The following KHDC1 variants were observed in gnomAD, a reference collection of about 807,000 sequenced individuals.
KHDC1 encodes the protein KH domain containing 1.
In KHDC1, 21 loss-of-function variants were observed where a neutral mutation model predicts 24.7. The observed-to-expected ratio is 0.85, with a 90% CI of 0.60 to 1.23. The LOEUF (loss-of-function observed/expected upper bound fraction) is 1.23. Among genes scored for constraint, KHDC1 ranks in the 50% most tolerant of loss-of-function variants. The pLI is 0.00. For synonymous variants in KHDC1, 98 were observed against 111.7 expected (o/e 0.88, Z 0.77); for missense variants, 274 against 298.5 (o/e 0.92, Z 0.61).
intron 2 of KHDC1, among the ~76,000 whole-genome samples, chr6:73,255,171 G>C (rs1168312180): frequency 6.8e-6 from 1 of 147,836 alleles, no homozygotes; most frequent in Non-Finnish European, 1.5e-5. Context: ...AAATGACTTA[G>C]CTGAATTTTT....
At chr6:73,246,125 C>A (rs1766660611) in intron 2 of KHDC1, among the ~76,000 whole-genome samples, 1 of 152,154 alleles carries the variant, frequency 6.6e-6, no homozygotes, top group Non-Finnish European at 1.5e-5. Context: ...CTCTTAATTT[C>A]CAAAGTTCTC....
At chr6:73,303,949 T>G (rs1582591835) in intron 1 of KHDC1, among the ~76,000 whole-genome samples, 1 of 151,956 alleles carries the variant, frequency 6.6e-6, no homozygotes. Context: ...GAGGCCAAGG[T>G]GGGTGGATCA....
chr6:73,244,735 C>T (rs896180211), intron 2 of KHDC1, among the ~76,000 whole-genome samples: 2 of 151,170 alleles, frequency 1.3e-5, no homozygotes, highest in African/African-American at 4.9e-5. Flanking sequence ...GATTTTGAGA[C>T]CAGACCAGGC....
rs1767003332 is a variant in KHDC1 at position 73,262,758 on chromosome 6, C to G, written c.207-20228G>C. The G allele has an allele frequency of 1.0e-6, 1 of 985,460 alleles. No homozygotes were observed. The highest frequency in any genetic ancestry group is 1.2e-6 in the Non-Finnish European group (1 of 829,944). The allele number at this position is 985,460 out of a possible 1,614,324, so 61.0% of individuals were successfully genotyped here. Reference sequence around the variant, plus strand: ...GAACTTAGTAAGAAATGTGCAAGATCTAGATGAAGACCCACCAGATAGGAT... The same window carrying G: ...GAACTTAGTAAGAAATGTGCAAGATGTAGATGAAGACCCACCAGATAGGAT... On this transcript the variant is annotated intron_variant, in intron 2 of 4. Transcript: ENST00000370384.
chr6:73,269,106 G>A lies in KHDC1; in HGVS notation c.206+22892C>T, dbSNP rs186058953. ...GGGACCCAGTACACCCTCCGCAGCCGCTGGCCCGGGTGCTAAGCCCCTCAT... is the reference window on the plus strand; with the variant it reads ...GGGACCCAGTACACCCTCCGCAGCCACTGGCCCGGGTGCTAAGCCCCTCAT... On this transcript the variant is annotated intron_variant, in intron 2 of 4. Coordinates refer to ENST00000370384, the Ensembl canonical transcript of KHDC1. The A allele has an allele frequency of 7.7e-4, 119 of 154,386 alleles. 2 individuals are homozygous for A. Among genetic ancestry groups the A allele is most frequent in the African/African-American group, 1.9e-3 (80 of 41,604 alleles). 9.6% of individuals were successfully genotyped at this position (154,386 alleles called of 1,614,324 possible). A position where few individuals can be genotyped will look rare whatever the true frequency, so the allele number is the denominator to read the frequency against.
At chr6:73,298,955 T>A (rs1409988466) in intron 1 of KHDC1, 1 of 149,376 alleles carries the variant, frequency 6.7e-6, no homozygotes, top group Non-Finnish European at 1.5e-5. Context: ...AGAGGAGGAG[T>A]GTGGGATGTC....
At chr6:73,255,983 C>T (rs1245747205) in intron 2 of KHDC1, among the ~76,000 whole-genome samples, 1 of 151,108 alleles carries the variant, frequency 6.6e-6, no homozygotes, top group African/African-American at 2.4e-5. Flanking sequence ...CCATGATTGT[C>T]GAGCCTGAAG....
exon 1 of KHDC1, chr6:73,309,882 C>A: frequency 1.4e-6 from 1 of 709,342 alleles, no homozygotes; most frequent in Non-Finnish European, 2.3e-6. Context: ...CCAGACTGGA[C>A]CAATGCACAG....
intron 2 of KHDC1, chr6:73,274,183 AACATT>A (rs1767235986): frequency 6.6e-6 from 1 of 152,234 alleles, no homozygotes; most frequent in Non-Finnish European, 1.5e-5. Flanking sequence ...ATATTAACAT[AACATT>A]ACATTTTTAA....
chr6:73,257,006 T>A (rs534266241), intron 2 of KHDC1, among the ~76,000 whole-genome samples: 1 of 152,304 alleles, frequency 6.6e-6, no homozygotes, highest in East Asian at 1.9e-4. Flanking sequence ...TTAAAAGGCA[T>A]GGCCAGTGGG....
chr6:73,279,575 A>ATTTTTTT (rs560281126), intron 2 of KHDC1, among the ~76,000 whole-genome samples: 2 of 98,312 alleles, frequency 2.0e-5, no homozygotes, highest in Non-Finnish European at 4.0e-5. Flanking sequence ...GGGACCATGG[A>ATTTTTTT]TTTTTTTTTT....
At chr6:73,281,905 C>T (rs1338468841) in intron 2 of KHDC1, among the ~76,000 whole-genome samples, 1 of 151,872 alleles carries the variant, frequency 6.6e-6, no homozygotes, top group East Asian at 1.9e-4. Context: ...TTGAGGCATA[C>T]TGGTCAAGCA....
chr6:73,287,745 T>G (rs1767550204), intron 2 of KHDC1, among the ~76,000 whole-genome samples: 1 of 152,176 alleles, frequency 6.6e-6, no homozygotes, highest in South Asian at 2.1e-4. Flanking sequence ...TACATGTAGA[T>G]TCAGCATCAT....
rs993915823 is a variant in KHDC1, at chr6:73,309,503, C to A, written c.163+49G>T. ...CGGAAGCGAAACTCGCCTTTCCGGG[C>A]ACCTGGGTGAAGGAAGCTTTTCCTA... On this transcript the variant is annotated intron_variant, in intron 1 of 4. Coordinates refer to ENST00000370384, the Ensembl canonical transcript of KHDC1. 6.8e-6 allele frequency: 10 copies of A among 1,471,390 alleles called. No individual in the cohort carries two copies. The African/African-American group carries it at 1.4e-4, about 21-fold the overall frequency. 91.1% of individuals were successfully genotyped at this position (1,471,390 alleles called of 1,614,324 possible).
chr6:73,247,320 G>A (rs1480674428), intron 2 of KHDC1, among the ~76,000 whole-genome samples: 2 of 152,082 alleles, frequency 1.3e-5, no homozygotes, highest in African/African-American at 2.4e-5. Context: ...AATGTATTGG[G>A]ATGTATTTTG....
intron 2 of KHDC1, 25 bp from the exon 1 acceptor site, chr6:73,263,221 C>A: frequency 1.0e-6 from 1 of 987,214 alleles, no homozygotes; most frequent in Non-Finnish European, 1.2e-6. Context: ...CGGAAGCGCG[C>A]GGCTGCGGCG....
At chr6:73,249,756 GT>G (rs150683442) in intron 2 of KHDC1, among the ~76,000 whole-genome samples, 2,442 of 151,748 alleles carry the variant, frequency 0.016, 55 homozygotes, top group African/African-American at 0.055. Flanking sequence ...TTATTATTTT[GT>G]TTTGTTTTTA....
chr6:73,250,276 G>A (rs1398067653), intron 2 of KHDC1, among the ~76,000 whole-genome samples: 1 of 152,154 alleles, frequency 6.6e-6, no homozygotes, highest in Non-Finnish European at 1.5e-5. Context: ...AACTAATCAT[G>A]ATAATCTAAT....
chr6:73,289,709 T>A (rs1767602682), intron 2 of KHDC1, among the ~76,000 whole-genome samples: 1 of 151,118 alleles, frequency 6.6e-6, no homozygotes, highest in Non-Finnish European at 1.5e-5. Context: ...CACCTGTAAT[T>A]CCAGCACTTT....
Sources: gnomAD v4.1 joint callset for allele counts (sites outside exome capture counted in the v4.1 genomes callset) on GRCh38, gnomAD v4.1.1 for gene constraint, MANE v1.5 for transcripts, NCBI Gene and HGNC (gene_info 2026-07-23, HGNC 2026-07-21) for gene names.